ADGRL3: variants seen among roughly 807,000 people sequenced by gnomAD.
ADGRL3 encodes the protein calcium-independent alpha-latrotoxin receptor 3.
Under a neutral mutation model 153.5 loss-of-function variants are expected in ADGRL3, and 62 were observed. That is an observed-to-expected ratio of 0.40 (90% confidence interval 0.33 to 0.50). The LOEUF (loss-of-function observed/expected upper bound fraction) is 0.50. Among genes scored for constraint, ADGRL3 ranks in the 20% least tolerant of loss-of-function variants. The pLI, the probability that ADGRL3 is intolerant of heterozygous loss-of-function variation, is 0.47. For missense variants in ADGRL3, 1,641 were observed against 1,859.4 expected (o/e 0.88, Z 2.16); for synonymous variants, 710 against 672.5 (o/e 1.06, Z -0.86).
At chr4:61,241,610 T>G (rs554871836) in intron 1 of ADGRL3, among the ~76,000 whole-genome samples, 14 of 152,060 alleles carry the variant, frequency 9.2e-5, no homozygotes, top group Non-Finnish European at 1.9e-4. Flanking sequence ...CAGTTTGAAT[T>G]GGAAGTGACC....
At chr4:62,064,160 C>T (rs1741705915) in intron 25 of ADGRL3, among the ~76,000 whole-genome samples, 1 of 152,020 alleles carries the variant, frequency 6.6e-6, no homozygotes, top group African/African-American at 2.4e-5. Context: ...AGACAGTGTA[C>T]TGGGCAGTAG....
At position 61,418,928 on chromosome 4, in the gene ADGRL3, G is replaced by GT. The variant is rs1267212198; in HGVS notation, c.-174+35742dup. Reference sequence around the variant, plus strand: ...AAATTAATTTAGAAGTTTATTTACAGTTTAGTGACTATAAATAGAAATCCT... The same window carrying GT: ...AAATTAATTTAGAAGTTTATTTACAGTTTTAGTGACTATAAATAGAAATCCT... On this transcript the variant is annotated intron_variant, in intron 2 of 26. Coordinates refer to ENST00000683033, the MANE Select transcript of ADGRL3 (RefSeq NM_001387552.1). Among the ~76,000 whole-genome samples, 18 of 150,620 alleles carry GT rather than the reference G, an allele frequency of 1.2e-4. 1 individual carries two copies. The highest frequency in any genetic ancestry group is 4.2e-4 in the African/African-American group (17 of 40,584).
chr4:61,837,983 T>C (rs1266295351), intron 9 of ADGRL3, among the ~76,000 whole-genome samples: 1 of 152,068 alleles, frequency 6.6e-6, no homozygotes, highest in Non-Finnish European at 1.5e-5. Flanking sequence ...TTCATACAGT[T>C]GAGGAGTAAG....
intron 1 of ADGRL3, among the ~76,000 whole-genome samples, chr4:61,286,972 C>T (rs1306708036): frequency 6.6e-6 from 1 of 151,514 alleles, no homozygotes; most frequent in Non-Finnish European, 1.5e-5. Flanking sequence ...TTATGGAAGT[C>T]AAAGGCCTCT....
chr4:62,056,682 T>A (rs1391775392), intron 25 of ADGRL3, among the ~76,000 whole-genome samples: 1 of 152,014 alleles, frequency 6.6e-6, no homozygotes, highest in Non-Finnish European at 1.5e-5. Flanking sequence ...CAGAGAGACA[T>A]CACTCAATAG....
chr4:61,449,261 T>G (rs1262982760), intron 2 of ADGRL3, among the ~76,000 whole-genome samples: 9 of 151,984 alleles, frequency 5.9e-5, no homozygotes, highest in Non-Finnish European at 5.9e-5. Flanking sequence ...TCAGCCTCCC[T>G]TAGTAGCTGG....
At chr4:61,907,623 CATAT>C (rs201165690) in intron 11 of ADGRL3, among the ~76,000 whole-genome samples, 9 of 149,956 alleles carry the variant, frequency 6.0e-5, no homozygotes, top group African/African-American at 9.8e-5. Context: ...TATACATACA[CATAT>C]ATATATACAC....
intron 2 of ADGRL3, among the ~76,000 whole-genome samples, chr4:61,401,901 A>G (rs1183165846): frequency 6.6e-6 from 1 of 152,084 alleles, no homozygotes; most frequent in Non-Finnish European, 1.5e-5. Context: ...TGAAGAGGTC[A>G]GCAAACCTTT....
intron 8 of ADGRL3, among the ~76,000 whole-genome samples, chr4:61,753,432 G>A (rs995160835): frequency 1.3e-5 from 2 of 152,100 alleles, no homozygotes; most frequent in African/African-American, 2.4e-5. Context: ...AAAGAGTTAC[G>A]GTTACTTCTC....
At chr4:61,476,783 C>T (rs958221062) in intron 2 of ADGRL3, among the ~76,000 whole-genome samples, 3 of 147,918 alleles carry the variant, frequency 2.0e-5, no homozygotes, top group African/African-American at 5.0e-5. Context: ...GCCATGTTAG[C>T]CAGACTGGTC....
intron 23 of ADGRL3, among the ~76,000 whole-genome samples, chr4:62,036,649 T>A (rs1313499249): frequency 1.3e-5 from 2 of 152,140 alleles, no homozygotes; most frequent in Non-Finnish European, 2.9e-5. Flanking sequence ...TTAAAGCACA[T>A]GTTCAAAACT....
chr4:62,037,306 C>T (rs574012168), intron 23 of ADGRL3, among the ~76,000 whole-genome samples: 3 of 152,164 alleles, frequency 2.0e-5, no homozygotes, highest in African/African-American at 7.2e-5. Flanking sequence ...CTACTTCCTC[C>T]ACCCCAGTCT....
chr4:61,710,366 A>G (rs1308936959), intron 6 of ADGRL3, among the ~76,000 whole-genome samples: 1 of 152,136 alleles, frequency 6.6e-6, no homozygotes, highest in African/African-American at 2.4e-5. Flanking sequence ...AAATTTATGC[A>G]GGGGGAGGTG....
intron 1 of ADGRL3, among the ~76,000 whole-genome samples, chr4:61,306,207 C>T (rs2094780306): frequency 6.6e-6 from 1 of 152,004 alleles, no homozygotes; most frequent in Non-Finnish European, 1.5e-5. Context: ...ACGCCATTCT[C>T]CTGCCTCAGC....
At chr4:61,592,182 C>A (rs149101166) in intron 5 of ADGRL3, among the ~76,000 whole-genome samples, 5 of 151,740 alleles carry the variant, frequency 3.3e-5, no homozygotes, top group South Asian at 2.1e-4. Flanking sequence ...TACAAAAGAT[C>A]TTGCGTTCTG....
intron 8 of ADGRL3, among the ~76,000 whole-genome samples, chr4:61,753,953 T>G (rs1431993978): frequency 1.3e-5 from 2 of 152,162 alleles, no homozygotes; most frequent in Non-Finnish European, 2.9e-5. Context: ...TCTTTGCCTG[T>G]GGCACCTATA....
chr4:61,909,609 A>G lies in ADGRL3; in HGVS notation c.1937A>G (p.Gln646Arg), dbSNP rs556396617. The G allele has an allele frequency of 1.3e-5, 21 of 1,613,712 alleles. No homozygotes were observed. In the Middle Eastern group the frequency reaches 1.2e-3, roughly 89 times the overall value. Reference protein sequence around the residue: ...AANIARELAEQTRNHLNAGDI... With the variant: ...AANIARELAERTRNHLNAGDI... ...AACATTGCTAGAGAGCTGGCTGAACAGACAAGAAATCACTTGAATGCTGGG... is the reference window on the plus strand; with the variant it reads ...AACATTGCTAGAGAGCTGGCTGAACGGACAAGAAATCACTTGAATGCTGGG... The change falls in exon 12 of 27, where the codon CAG (glutamine) becomes CGG (arginine). Residue 646 changes from glutamine (Q) to arginine (R), a missense_variant. Coordinates refer to ENST00000683033, the MANE Select transcript of ADGRL3 (RefSeq NM_001387552.1).
At chr4:61,680,381 CT>C (rs538269028) in intron 6 of ADGRL3, among the ~76,000 whole-genome samples, 1,580 of 147,508 alleles carry the variant, frequency 0.011, 30 homozygotes, top group African/African-American at 0.037. Context: ...GTAGAAGAAA[CT>C]TTTTTTTAAA....
At chr4:61,687,956 C>A (rs1222230943) in intron 6 of ADGRL3, among the ~76,000 whole-genome samples, 1 of 151,898 alleles carries the variant, frequency 6.6e-6, no homozygotes, top group African/African-American at 2.4e-5. Context: ...CTATGAAGTC[C>A]AAATGCCCAC....
Sources: gnomAD v4.1 joint callset for allele counts (sites outside exome capture counted in the v4.1 genomes callset) on GRCh38, gnomAD v4.1.1 for gene constraint, MANE v1.5 for transcripts, NCBI Gene and HGNC (gene_info 2026-07-23, HGNC 2026-07-21) for gene names.